The following LHCGR variants were observed in gnomAD, a reference collection of about 807,000 sequenced individuals.
The protein encoded by LHCGR is lutropin-choriogonadotropic hormone receptor.
A neutral mutation model predicts 60.7 loss-of-function variants in LHCGR; 55 were observed. The ratio of observed to expected loss-of-function variants is 0.91; its 90% CI spans 0.73 to 1.13. The LOEUF is 1.13. LHCGR is among the 50% of genes most tolerant of loss of function. The pLI, the probability that LHCGR is intolerant of heterozygous loss-of-function variation, is 0.00. For synonymous variants in LHCGR, 337 were observed against 316.5 expected (o/e 1.06, Z -0.69); for missense variants, 862 against 836.0 (o/e 1.03, Z -0.38).
At chr2:48,747,215 A>G (rs1669748441) in intron 1 of LHCGR, among the ~76,000 whole-genome samples, 2 of 151,976 alleles carry the variant, frequency 1.3e-5, no homozygotes, top group African/African-American at 4.8e-5. Context: ...CAGCCTCCCA[A>G]GTAGCTGGGA....
chr2:48,725,018 A>T (rs1021349124), intron 4 of LHCGR, among the ~76,000 whole-genome samples: 1 of 152,152 alleles, frequency 6.6e-6, no homozygotes, highest in African/African-American at 2.4e-5. Context: ...TTCTTTGTGA[A>T]TAGGGATGAC....
intron 7 of LHCGR, among the ~76,000 whole-genome samples, chr2:48,710,822 A>G (rs1453347519): frequency 6.6e-6 from 1 of 152,168 alleles, no homozygotes; most frequent in African/African-American, 2.4e-5. Context: ...ACAACTTTGG[A>G]CAGGTCTATT....
At chr2:48,734,051 T>C (rs936115134) in intron 1 of LHCGR, among the ~76,000 whole-genome samples, 2 of 152,172 alleles carry the variant, frequency 1.3e-5, no homozygotes, top group African/African-American at 2.4e-5. Context: ...CTTAAAGGAA[T>C]CTTGTACAAA....
intron 7 of LHCGR, among the ~76,000 whole-genome samples, chr2:48,712,317 TC>T (rs1263759389): frequency 6.6e-6 from 1 of 152,118 alleles, no homozygotes; most frequent in Non-Finnish European, 1.5e-5. Context: ...TAGGACTTAA[TC>T]ATCTTCATTC....
rs574596655 is a variant in LHCGR, at chr2:48,711,905, G to C, written c.605+2081C>G. Among the ~76,000 whole-genome samples, 3 of 152,128 alleles carry C rather than the reference G, an allele frequency of 2.0e-5. No individual in the cohort carries two copies. In the South Asian group the frequency reaches 6.2e-4, roughly 32 times the overall value. On this transcript the variant is annotated intron_variant, in intron 7 of 10. Coordinates refer to ENST00000294954, the MANE Select transcript of LHCGR (RefSeq NM_000233.4). ...GCACTCATCTCATACTTCCATCTCA[G>C]AACTTTCAATGGCTTCTCATTTTCT...
At chr2:48,708,552 A>T (rs1008084478) in intron 8 of LHCGR, among the ~76,000 whole-genome samples, 7 of 2,778 alleles carry the variant, frequency 2.5e-3, no homozygotes, top group Admixed American at 2.9e-3. Context: ...ACCCACCCAC[A>T]CACACACACA....
chr2:48,717,779 C>G (rs1293997499), intron 6 of LHCGR, among the ~76,000 whole-genome samples: 1 of 151,556 alleles, frequency 6.6e-6, no homozygotes, highest in Admixed American at 6.6e-5. Context: ...CTCTCAAACA[C>G]CTTTGGTCTG....
intron 1 of LHCGR, among the ~76,000 whole-genome samples, chr2:48,748,745 T>C (rs1003971761): frequency 2.0e-5 from 3 of 152,240 alleles, no homozygotes; most frequent in South Asian, 2.1e-4. Context: ...CTTTTGGCTT[T>C]TTTTGGTCTC....
intron 1 of LHCGR, among the ~76,000 whole-genome samples, chr2:48,749,389 A>G (rs148468766): frequency 5.1e-4 from 77 of 152,348 alleles, no homozygotes; most frequent in Middle Eastern, 3.4e-3. Flanking sequence ...TGCATTAAAT[A>G]TGATTTTTCT....
intron 1 of LHCGR, among the ~76,000 whole-genome samples, chr2:48,739,921 C>G (rs912303978): frequency 5.3e-5 from 8 of 152,226 alleles, no homozygotes; most frequent in Non-Finnish European, 8.8e-5. Context: ...GCATTTCCAT[C>G]TGAGGTACCA....
At chr2:48,735,744 C>G (rs1435235442) in intron 1 of LHCGR, among the ~76,000 whole-genome samples, 1 of 152,172 alleles carries the variant, frequency 6.6e-6, no homozygotes, top group Middle Eastern at 3.2e-3. Flanking sequence ...ACCAATTTCG[C>G]CAACTGCTAG....
intron 1 of LHCGR, 120 bp from the exon 2 acceptor site, chr2:48,731,418 A>G (rs878940828): frequency 8.5e-6 from 6 of 704,848 alleles, no homozygotes; most frequent in Non-Finnish European, 1.5e-5. Context: ...GTTCCCAAGA[A>G]CTGGATTCAG....
At chr2:48,699,353 T>TTC (rs1286066623) in intron 8 of LHCGR, among the ~76,000 whole-genome samples, 1 of 151,882 alleles carries the variant, frequency 6.6e-6, no homozygotes, top group African/African-American at 2.4e-5. Context: ...TTATTAGCAT[T>TTC]TCTCTCTCTC....
rs550842517 is a variant in LHCGR, at chr2:48,724,045, T to A, written c.384-349A>T. On this transcript the variant is annotated intron_variant, in intron 4 of 10. Coordinates refer to ENST00000294954, the MANE Select transcript of LHCGR (RefSeq NM_000233.4). Reference sequence around the variant, plus strand: ...CATTCCACTTTCTTTTGGTAATTAGTTTATTACAAGCTCTTGATAGTTCGA... The same window carrying A: ...CATTCCACTTTCTTTTGGTAATTAGATTATTACAAGCTCTTGATAGTTCGA... Among the ~76,000 whole-genome samples the A allele has an allele frequency of 7.2e-5, 11 of 152,340 alleles. 1 individual carries two copies. In the South Asian group the frequency reaches 2.3e-3, roughly 32 times the overall value.
chr2:48,749,256 G>A (rs1669846887), intron 1 of LHCGR, among the ~76,000 whole-genome samples: 1 of 152,208 alleles, frequency 6.6e-6, no homozygotes, highest in Non-Finnish European at 1.5e-5. Flanking sequence ...GGGAGTACAT[G>A]AGGACCCTGT....
intron 1 of LHCGR, among the ~76,000 whole-genome samples, chr2:48,747,482 G>T (rs982844064): frequency 6.6e-6 from 1 of 152,178 alleles, no homozygotes; most frequent in Non-Finnish European, 1.5e-5. Flanking sequence ...GAGGTTGCCT[G>T]TATCAAAAAT....
At position 48,731,152 on chromosome 2, in the gene LHCGR, T is replaced by A. The variant is rs112078810; in HGVS notation, c.233+75A>T. 6,646 of 1,008,112 alleles carry A rather than the reference T, an allele frequency of 6.6e-3. 296 individuals are homozygous for A. In the African/African-American group the frequency reaches 0.093, roughly 14 times the overall value. The allele number at this position is 1,008,112 out of a possible 1,614,324, so 62.4% of individuals were successfully genotyped here. ...TCTTTCCTAGAAAAATTATCCCCTT[T>A]CAAATGTGTTTTCTCTTAGAAAAAA... On this transcript the variant is annotated intron_variant, in intron 2 of 10. Transcript: ENST00000294954.
At chr2:48,754,872 A>G (rs1040482004) in intron 1 of LHCGR, among the ~76,000 whole-genome samples, 13 of 152,028 alleles carry the variant, frequency 8.6e-5, no homozygotes, top group Admixed American at 2.6e-4. Context: ...CAATCCCTCA[A>G]TCAGGCCTGT....
In LHCGR at chr2:48,687,880, G is replaced by A; in HGVS notation, c.1917C>T (p.Ser639=). ...TFQRDFFLLL[S]KFGCCKRRAE... is the part of the protein sequence containing the mutation. ...CCCGACGTTTACAGCAGCCAAATTT[G>A]CTCAGCAAAAGAAAGAAATCTCTTT... The change falls in exon 11 of 11, where the codon AGC becomes AGT. Residue 639 remains serine (S), a synonymous_variant. Transcript: ENST00000294954. 3.1e-6 allele frequency: 5 copies of A among 1,614,154 alleles called. No individual in the cohort carries two copies. Among genetic ancestry groups the A allele is most frequent in the African/African-American group, 1.3e-5 (1 of 75,044 alleles).
Sources: allele counts gnomAD v4.1 joint callset (sites outside exome capture counted in the v4.1 genomes callset), GRCh38; gene constraint gnomAD v4.1.1; transcripts MANE v1.5; gene names NCBI Gene and HGNC (gene_info 2026-07-23, HGNC 2026-07-21).